The following STRIP2 variants were observed in gnomAD, a reference collection of about 807,000 sequenced individuals.
The protein encoded by STRIP2 is striatin interacting protein 2, also known as striatin-interacting protein 2.
A neutral mutation model predicts 107.1 loss-of-function variants in STRIP2; 84 were observed. The ratio of observed to expected loss-of-function variants is 0.78; its 90% CI spans 0.66 to 0.94. The LOEUF is 0.94. Ranked by LOEUF, STRIP2 falls within the 40% of genes least tolerant of loss-of-function variation. The pLI, the probability that STRIP2 is intolerant of heterozygous loss-of-function variation, is 0.00. For synonymous variants in STRIP2, 394 were observed against 400.4 expected (o/e 0.98, Z 0.19); for missense variants, 888 against 1,034.2 (o/e 0.86, Z 1.94).
intron 1 of STRIP2, among the ~76,000 whole-genome samples, chr7:129,438,183 A>T (rs1362535370): frequency 6.6e-6 from 1 of 152,226 alleles, no homozygotes. Context: ...TAAAATGTTC[A>T]TAAGATTTGA....
At position 129,446,157 on chromosome 7, in the gene STRIP2, C is replaced by T. The variant is rs569601269; in HGVS notation, c.274+2059C>T. On this transcript the variant is annotated intron_variant, in intron 3 of 20. Coordinates refer to ENST00000249344, the MANE Select transcript of STRIP2 (RefSeq NM_020704.3). ...TCCCTGCCACAGTGGCCACTTTGCT[C>T]ATGGGCCCATTGGACAATGACAGAG... 2.6e-5 allele frequency among the ~76,000 whole-genome samples: 4 copies of T among 152,272 alleles called. No individual in the cohort carries two copies. The South Asian group carries it at 6.2e-4, about 24-fold the overall frequency.
chr7:129,462,594 G>A (rs1209597150), intron 13 of STRIP2, among the ~76,000 whole-genome samples: 1 of 152,164 alleles, frequency 6.6e-6, no homozygotes, highest in Admixed American at 6.5e-5. Context: ...CCAGTCCATA[G>A]GTTACCCAAC....
At chr7:129,477,824 A>G in intron 18 of STRIP2, 4 of 348,096 alleles carry the variant, frequency 1.1e-5, no homozygotes, top group Admixed American at 3.6e-5. Context: ...CAGGAGCAAG[A>G]GAGAAGCCAT....
At chr7:129,459,885 C>T (rs1798481329) in intron 12 of STRIP2, among the ~76,000 whole-genome samples, 1 of 152,048 alleles carries the variant, frequency 6.6e-6, no homozygotes, top group Admixed American at 6.5e-5. Context: ...CATAAGTCTA[C>T]TAACTTCCAA....
intron 13 of STRIP2, 60 bp downstream of exon 13, chr7:129,460,432 C>G: frequency 2.1e-6 from 3 of 1,415,276 alleles, no homozygotes; most frequent in Non-Finnish European, 3.0e-6. Context: ...TCAGTGTTGT[C>G]ACAGAGCATG....
At chr7:129,460,648 C>T (rs963684490) in intron 13 of STRIP2, 2 of 420,690 alleles carry the variant, frequency 4.8e-6, no homozygotes, top group African/African-American at 4.1e-5. Context: ...TAAGATTGGG[C>T]AGTTGGAGTA....
chr7:129,468,604 C>T (rs763407409), intron 17 of STRIP2, among the ~76,000 whole-genome samples: 4 of 152,196 alleles, frequency 2.6e-5, no homozygotes, highest in Non-Finnish European at 5.9e-5. Context: ...AATACGGAGA[C>T]CTGTGCACTG....
chr7:129,478,638 GTTCTT>G (rs1329968757), intron 18 of STRIP2, among the ~76,000 whole-genome samples: 1 of 152,192 alleles, frequency 6.6e-6, no homozygotes. Flanking sequence ...GAACGAGGCA[GTTCTT>G]TTCAACTGGA....
chr7:129,451,505 A>G (rs1798191280), intron 3 of STRIP2, 108 bp from the exon 4 acceptor site: 1 of 1,397,358 alleles, frequency 7.2e-7, no homozygotes, highest in Non-Finnish European at 9.8e-7. Context: ...TTTTGGAGAA[A>G]ATAATTTTGG....
chr7:129,463,079 G>T (rs1214694203), intron 14 of STRIP2, 39 bp downstream of exon 14: 3 of 1,540,352 alleles, frequency 1.9e-6, no homozygotes, highest in South Asian at 2.3e-5. Flanking sequence ...CTTCTCTGCT[G>T]CAAGGAACAG....
chr7:129,464,106 C>T lies in STRIP2; in HGVS notation c.1614C>T (p.Ile538=), dbSNP rs1798611914. The T allele has an allele frequency of 6.2e-7, 1 of 1,613,202 alleles. No individual in the cohort carries two copies. The highest frequency in any genetic ancestry group is 8.5e-7 in the Non-Finnish European group (1 of 1,180,000). Residue 538 remains isoleucine (I), a synonymous_variant, in exon 15 of 21, where the codon ATC becomes ATT. Coordinates refer to ENST00000249344, the MANE Select transcript of STRIP2 (RefSeq NM_020704.3). ...CCTCTAAGGCTAAGACAGACTCTAT[C>T]AATATCCTGGCAGATGTCCTACCTG... ...APTSKAKTDS[I]NILADVLPEE...
At chr7:129,472,046 C>T (rs993106226) in intron 18 of STRIP2, among the ~76,000 whole-genome samples, 3 of 152,076 alleles carry the variant, frequency 2.0e-5, no homozygotes, top group African/African-American at 7.2e-5. Context: ...TAAAACAACT[C>T]TATGAGGTTA....
chr7:129,485,708 A>G lies in STRIP2; in HGVS notation c.2384A>G (p.Gln795Arg), dbSNP rs768111730. The change falls in exon 21 of 21, where the codon CAG (glutamine) becomes CGG (arginine). Residue 795 changes from glutamine (Q) to arginine (R), a missense_variant. By Grantham distance (43) the Gln-to-Arg change is conservative. Coordinates refer to ENST00000249344, the MANE Select transcript of STRIP2 (RefSeq NM_020704.3). ...SEFSPVDNCL[Q>R]SVLGQRLDLP... ...TTTTCACCTGTGGATAACTGCTTGC[A>G]GAGCGTACTGGGGCAGAGGTTGGAT... 3.7e-6 allele frequency: 6 copies of G among 1,614,068 alleles called. No homozygotes were observed. The highest frequency in any genetic ancestry group is 5.1e-6 in the Non-Finnish European group (6 of 1,180,050).
At chr7:129,450,776 T>C (rs897229460) in intron 3 of STRIP2, among the ~76,000 whole-genome samples, 1 of 152,102 alleles carries the variant, frequency 6.6e-6, no homozygotes, top group African/African-American at 2.4e-5. Context: ...CTGCAGCCTA[T>C]ACAGGGCAGC....
chr7:129,478,316 C>T (rs1005109608), intron 18 of STRIP2, among the ~76,000 whole-genome samples: 2 of 152,108 alleles, frequency 1.3e-5, no homozygotes, highest in African/African-American at 4.8e-5. Context: ...TCAAGACCAG[C>T]CTGGCCAACA....
chr7:129,441,908 A>G (rs1245162224), intron 2 of STRIP2, among the ~76,000 whole-genome samples: 1 of 152,156 alleles, frequency 6.6e-6, no homozygotes, highest in Admixed American at 6.6e-5. Flanking sequence ...GAGCCACCAC[A>G]CCTGGCCTCA....
Position 129,482,917 on chromosome 7 carries a change from G to A in STRIP2, c.2125G>A (p.Val709Ile), listed in dbSNP as rs747732675. The change falls in exon 20 of 21, where the codon GTC becomes ATC. Residue 709 changes from valine (V) to isoleucine (I), a missense_variant. Transcript: ENST00000249344. ...CAAACAGGCCATGCTGCAACTTTAT[G>A]TCCTAAAGCTACTAAAGTTACAGAC... Reference protein sequence around the residue: ...KVKQAMLQLYVLKLLKLQTKY... With the variant: ...KVKQAMLQLYILKLLKLQTKY... The A allele has an allele frequency of 3.7e-5, 59 of 1,613,944 alleles. No homozygotes were observed. The highest frequency in any genetic ancestry group is 4.8e-5 in the Non-Finnish European group (57 of 1,180,028).
At chr7:129,485,475 A>AAT in intron 20 of STRIP2, 104 bp from the exon 21 acceptor site, 1 of 1,277,714 alleles carries the variant, frequency 7.8e-7, no homozygotes, top group Non-Finnish European at 1.1e-6. Context: ...AAAAAAAAGA[A>AAT]TTTCTGAGCA....
rs961145980 is a variant in STRIP2 at position 129,464,515 on chromosome 7, T to C, written c.1650-97T>C. On this transcript the variant is annotated intron_variant, in intron 15 of 20. Coordinates refer to ENST00000249344, the MANE Select transcript of STRIP2 (RefSeq NM_020704.3). ...AAGTTCAAGTTTCCCAAGTTCTGGC[T>C]CTCTTGTGTATATTGTATCAGACCC... The C allele has an allele frequency of 2.2e-6, 3 of 1,361,350 alleles. No homozygotes were observed. In the African/African-American group the frequency reaches 4.4e-5, roughly 20 times the overall value. 84.3% of individuals were successfully genotyped at this position (1,361,350 alleles called of 1,614,324 possible).
Sources: allele counts gnomAD v4.1 joint callset (sites outside exome capture counted in the v4.1 genomes callset), GRCh38; gene constraint gnomAD v4.1.1; transcripts MANE v1.5; gene names NCBI Gene and HGNC (gene_info 2026-07-23, HGNC 2026-07-21).